Variants in TOGARAM1 observed in about 807,000 individuals in gnomAD.
TOGARAM1 encodes the protein TOG array regulator of axonemal microtubules protein 1.
TOGARAM1 carries 100 observed loss-of-function variants against 166.6 expected under a neutral mutation model. The ratio of observed to expected loss-of-function variants is 0.60; its 90% CI spans 0.51 to 0.71. The LOEUF is 0.71. Ranked by LOEUF, TOGARAM1 falls within the 30% of genes least tolerant of loss-of-function variation. The probability of loss-of-function intolerance (pLI) is 0.00; values close to 1 mark genes in which losing one functional copy is unlikely to be tolerated. For missense variants in TOGARAM1, 2,029 were observed against 2,102.7 expected, an observed-to-expected ratio of 0.96 and a Z score of 0.69; for synonymous variants, 758 against 763.8, an observed-to-expected ratio of 0.99 and a Z score of 0.13.
intron 1 of TOGARAM1, among the ~76,000 whole-genome samples, chr14:44,979,217 C>G (rs748604955): frequency 1.3e-5 from 2 of 152,142 alleles, no homozygotes; most frequent in Non-Finnish European, 2.9e-5. Context: ...AGCTATTCTT[C>G]TTCCTGCTGC....
Position 45,067,912 on chromosome 14 carries a change from A to C in TOGARAM1, c.4750-512A>C, listed in dbSNP as rs372712094. On this transcript the variant is annotated intron_variant, in intron 17 of 19. Coordinates refer to ENST00000361462, the MANE Select transcript of TOGARAM1 (RefSeq NM_001308120.2). ...TTCTGAAGAGCAAGGAATTATTGTT[A>C]AAAGTTTTCAGGTTAAGAGATAATA... Among the ~76,000 whole-genome samples, 11 of 152,302 alleles carry C rather than the reference A, an allele frequency of 7.2e-5. No homozygotes were observed. The East Asian group carries it at 1.9e-3, about 27-fold the overall frequency.
Position 45,004,223 on chromosome 14 carries a change from T to C in TOGARAM1, c.2501T>C (p.Ile834Thr). 2 of 1,614,080 alleles carry C rather than the reference T, an allele frequency of 1.2e-6. No homozygotes were observed. Among genetic ancestry groups the C allele is most frequent in the East Asian group, 2.2e-5 (1 of 44,858 alleles). Residue 834 changes from isoleucine (I) to threonine (T), a missense_variant, in exon 4 of 20, where the codon ATT becomes ACT. Around this residue, in one of 2 missense-constraint regions of TOGARAM1, gnomAD observed 1,453 missense variants for 1,432.2 expected, o/e 1.01. Coordinates refer to ENST00000361462, the MANE Select transcript of TOGARAM1 (RefSeq NM_001308120.2). ...AGTCCAAAGCATACATCTCCTCTTA[T>C]TATATCTCCAAAGAAGTCTCAAGAT... ...RTSPKHTSPLIISPKKSQDNS... is the reference protein window; with the variant it reads ...RTSPKHTSPLTISPKKSQDNS...
At chr14:45,025,221 A>T (rs1044604183) in intron 7 of TOGARAM1, among the ~76,000 whole-genome samples, 1 of 152,160 alleles carries the variant, frequency 6.6e-6, no homozygotes, top group Non-Finnish European at 1.5e-5. Context: ...TCATGCTGTG[A>T]TAAGTCGCTT....
intron 13 of TOGARAM1, among the ~76,000 whole-genome samples, chr14:45,045,426 G>T (rs1449606580): frequency 6.7e-6 from 1 of 149,718 alleles, no homozygotes; most frequent in African/African-American, 2.5e-5. Context: ...AGAACATATG[G>T]TTTTTGGTGT....
chr14:44,989,651 C>G (rs1242487938), intron 1 of TOGARAM1, among the ~76,000 whole-genome samples: 1 of 152,096 alleles, frequency 6.6e-6, no homozygotes, highest in Non-Finnish European at 1.5e-5. Flanking sequence ...TTTTCCACAT[C>G]TTCCTGTTTT....
At chr14:45,004,998 C>T (rs756664708) in intron 4 of TOGARAM1, among the ~76,000 whole-genome samples, 4 of 152,094 alleles carry the variant, frequency 2.6e-5, no homozygotes, top group Non-Finnish European at 2.9e-5. Context: ...TCTTGGCTCA[C>T]GGCATCCTCC....
chr14:45,001,086 T>G (rs1194130176), intron 3 of TOGARAM1, among the ~76,000 whole-genome samples: 2 of 152,154 alleles, frequency 1.3e-5, no homozygotes, highest in African/African-American at 4.8e-5. Flanking sequence ...CTGTACTAAT[T>G]TAGCTTCCCA....
chr14:44,997,502 G>A (rs1324384635), intron 2 of TOGARAM1: 1 of 150,490 alleles, frequency 6.6e-6, no homozygotes, highest in Admixed American at 6.6e-5. Context: ...GGTATAGAAT[G>A]TGAGAAAGAA....
intron 15 of TOGARAM1, among the ~76,000 whole-genome samples, chr14:45,054,174 A>G (rs1048420827): frequency 6.6e-6 from 1 of 152,066 alleles, no homozygotes; most frequent in Non-Finnish European, 1.5e-5. Flanking sequence ...CCCAGCCCAA[A>G]ATACAGCATA....
At chr14:45,032,185 A>G in intron 10 of TOGARAM1, 38 bp from the exon 11 acceptor site, 1 of 1,563,106 alleles carries the variant, frequency 6.4e-7, no homozygotes, top group Non-Finnish European at 8.6e-7. Flanking sequence ...TTTTTTAAAA[A>G]GGTTCTCTCA....
intron 7 of TOGARAM1, among the ~76,000 whole-genome samples, chr14:45,024,284 G>T (rs1880698471): frequency 6.6e-6 from 1 of 151,860 alleles, no homozygotes; most frequent in African/African-American, 2.4e-5. Context: ...TAGATTCCAT[G>T]ATTTACTATT....
chr14:44,980,390 G>A (rs1886464759), intron 1 of TOGARAM1, among the ~76,000 whole-genome samples: 5 of 152,202 alleles, frequency 3.3e-5, no homozygotes, highest in South Asian at 4.1e-4. Context: ...GTGGCAGGCC[G>A]GGCGGGTGGC....
At chr14:44,966,057 T>C (rs1402040235) in intron 1 of TOGARAM1, among the ~76,000 whole-genome samples, 1 of 151,376 alleles carries the variant, frequency 6.6e-6, no homozygotes. Context: ...GTATTTTTAG[T>C]AGAGACAGGG....
At position 45,046,602 on chromosome 14, in the gene TOGARAM1, AT is replaced by A; in HGVS notation, c.4215del (p.Phe1405LeufsTer44). On this transcript the variant is annotated frameshift_variant, in exon 14 of 20. Coordinates refer to ENST00000361462, the MANE Select transcript of TOGARAM1 (RefSeq NM_001308120.2). LOFTEE classifies it high-confidence loss of function. Reference protein sequence around the residue: ...TAQHLSDVLEFMEPERILSAA... With the variant: ...TAQHLSDVLEXMEPERILSAA... The stretch of plus-strand genomic sequence containing the variant: ...CCCAGCATTTATCAGATGTATTGGA[AT>A]TTATGGAACCAGAACGTATTTTATC... 2 of 1,418,328 alleles carry A rather than the reference AT, an allele frequency of 1.4e-6. No homozygotes were observed. Among genetic ancestry groups the A allele is most frequent in the South Asian group, 1.7e-5 (1 of 59,124 alleles). 87.9% of individuals were successfully genotyped at this position (1,418,328 alleles called of 1,614,324 possible). A position where few individuals can be genotyped will look rare whatever the true frequency, so the allele number is the denominator to read the frequency against.
intron 1 of TOGARAM1, among the ~76,000 whole-genome samples, chr14:44,967,766 C>T (rs1300623570): frequency 6.6e-6 from 1 of 152,178 alleles, no homozygotes; most frequent in Admixed American, 6.5e-5. Context: ...GAGTTTGAAC[C>T]TTCTGCAGTA....
intron 18 of TOGARAM1, 111 bp from the exon 19 acceptor site, chr14:45,071,601 T>C (rs538563519): frequency 1.7e-5 from 11 of 634,028 alleles, no homozygotes; most frequent in African/African-American, 1.3e-4. Context: ...TAAAGTGTTA[T>C]ACATTTGCAT....
intron 1 of TOGARAM1, among the ~76,000 whole-genome samples, chr14:44,984,974 C>G (rs1886715714): frequency 6.6e-6 from 1 of 151,916 alleles, no homozygotes; most frequent in African/African-American, 2.4e-5. Flanking sequence ...CTTTTGTTTC[C>G]TGTCAGACAC....
In TOGARAM1 at chr14:45,009,016, T is replaced by C. The variant is rs1879629084; in HGVS notation, c.3008T>C (p.Leu1003Pro). 1.2e-6 allele frequency: 2 copies of C among 1,614,030 alleles called. No individual in the cohort carries two copies. The highest frequency in any genetic ancestry group is 1.3e-5 in the African/African-American group (1 of 74,932). Reference protein sequence around the residue: ...DLESPDSAMKLDLTMDSPSLS... With the variant: ...DLESPDSAMKPDLTMDSPSLS... ...GAAAGCCCTGATTCTGCAATGAAGC[T>C]CGACTTGACGATGGACTCCCCGTCT... The change falls in exon 6 of 20, where the codon CTC becomes CCC. Residue 1003 changes from leucine (L) to proline (P), a missense_variant. Physicochemically the swap from Leu to Pro is moderately conservative, Grantham distance 98 (BLOSUM62 -3). Coordinates refer to ENST00000361462, the MANE Select transcript of TOGARAM1 (RefSeq NM_001308120.2).
At chr14:45,047,242 A>T (rs1161684882) in intron 14 of TOGARAM1, among the ~76,000 whole-genome samples, 4 of 151,806 alleles carry the variant, frequency 2.6e-5, no homozygotes, top group African/African-American at 9.7e-5. Flanking sequence ...ATACAATAAA[A>T]TTAGCCGGGC....
Sources: allele counts gnomAD v4.1 joint callset (sites outside exome capture counted in the v4.1 genomes callset), GRCh38; gene constraint gnomAD v4.1.1; regional missense constraint gnomAD v4.1.1; transcripts MANE v1.5; gene names NCBI Gene and HGNC (gene_info 2026-07-23, HGNC 2026-07-21).